OGDH: variants seen among roughly 807,000 people sequenced by gnomAD.
The protein encoded by OGDH is oxoglutarate dehydrogenase, also known as 2-oxoglutarate dehydrogenase complex component E1.
A neutral mutation model predicts 116.6 loss-of-function variants in OGDH; 38 were observed. That is an observed-to-expected ratio of 0.33 (90% CI 0.25 to 0.43). The LOEUF is 0.43. OGDH is among the 20% of genes least tolerant of loss of function. The probability of loss-of-function intolerance (pLI) is 1.00; values close to 1 mark genes in which losing one functional copy is unlikely to be tolerated. For missense variants in OGDH, 825 were observed against 1,357.2 expected (o/e 0.61, Z 6.16); for synonymous variants, 488 against 533.3 (o/e 0.92, Z 1.17).
chr7:44,642,719 C>T (rs918587056), intron 2 of OGDH, among the ~76,000 whole-genome samples: 3 of 152,008 alleles, frequency 2.0e-5, no homozygotes, highest in Admixed American at 6.6e-5. Flanking sequence ...GTCAGGAGTT[C>T]GAGACCAGCC....
rs1458618356 is a variant in OGDH at position 44,694,645 on chromosome 7, A to G, written c.1668+69A>G. ...GCGATGACTAGAAAAGGTGGGCCAC[A>G]GGGCCAGTTCTCACTTTTGCCAGTT... On this transcript the variant is annotated intron_variant, in intron 12 of 22. Transcript: ENST00000222673. The surrounding 1 kb of genome is among the most constrained non-coding windows in gnomAD (Gnocchi z 4.2). The G allele has an allele frequency of 6.3e-7, 1 of 1,575,454 alleles. No individual in the cohort carries two copies. Among genetic ancestry groups the G allele is most frequent in the Non-Finnish European group, 8.7e-7 (1 of 1,148,840 alleles).
intron 5 of OGDH, among the ~76,000 whole-genome samples, chr7:44,669,838 T>C (rs1787357286): frequency 1.3e-5 from 2 of 152,170 alleles, no homozygotes; most frequent in African/African-American, 4.8e-5. Flanking sequence ...TTACAGACAT[T>C]TGCATAAAGT....
At chr7:44,646,170 C>G (rs570991392) in intron 3 of OGDH, among the ~76,000 whole-genome samples, 36 of 152,298 alleles carry the variant, frequency 2.4e-4, no homozygotes, top group African/African-American at 8.2e-4. Context: ...GCCTAGAGTT[C>G]AGATCTTAAG....
At chr7:44,635,662 A>C (rs1477707006) in intron 2 of OGDH, among the ~76,000 whole-genome samples, 1 of 152,028 alleles carries the variant, frequency 6.6e-6, no homozygotes, top group Non-Finnish European at 1.5e-5. Flanking sequence ...CATGTTCCTC[A>C]TCAACTTCTT....
At chr7:44,692,610 A>G (rs978337248) in intron 10 of OGDH, among the ~76,000 whole-genome samples, 4 of 152,232 alleles carry the variant, frequency 2.6e-5, no homozygotes, top group African/African-American at 9.6e-5. Context: ...AAGGATGAGC[A>G]GTGTGGTATT....
intron 1 of OGDH, among the ~76,000 whole-genome samples, chr7:44,621,593 G>T (rs557918710): frequency 6.6e-6 from 1 of 152,286 alleles, no homozygotes; most frequent in African/African-American, 2.4e-5. Flanking sequence ...AAAAATCTCA[G>T]CTGGGTGTGG....
intron 4 of OGDH, chr7:44,656,441 C>A: frequency 1.5e-6 from 2 of 1,304,004 alleles, no homozygotes; most frequent in South Asian, 1.3e-5. Flanking sequence ...TCCTAGCATG[C>A]AATATGGGGA....
intron 3 of OGDH, among the ~76,000 whole-genome samples, chr7:44,646,087 T>A (rs1585278350): frequency 6.6e-6 from 1 of 152,012 alleles, no homozygotes; most frequent in Non-Finnish European, 1.5e-5. Context: ...CAGGACAAGG[T>A]TTTTCCCCCC....
intron 4 of OGDH, among the ~76,000 whole-genome samples, chr7:44,656,819 T>C (rs941318346): frequency 3.9e-5 from 6 of 152,192 alleles, no homozygotes; most frequent in African/African-American, 1.4e-4. Context: ...AAATGTTTTA[T>C]GTTTGAAGGC....
rs1454363814 is a variant in OGDH at position 44,698,260 on chromosome 7, G to A, written c.2427G>A (p.Leu809=). Residue 809 remains leucine, a synonymous_variant, in exon 18 of 23, where the codon CTG becomes CTA. Coordinates refer to ENST00000222673, the MANE Select transcript of OGDH (RefSeq NM_002541.4). ...TGTGCAACGATGACCCAGATGTCCT[G>A]CCAGTGAGTAATACAGGCCCTGTCA... The part of the protein sequence containing the change: ...LQMCNDDPDV[L]PDLKEANFDI... The A allele has an allele frequency of 6.2e-7, 1 of 1,614,000 alleles. No individual in the cohort carries two copies.
At chr7:44,626,994 T>TTTTTG (rs1214940100) in intron 2 of OGDH, among the ~76,000 whole-genome samples, 133 of 152,176 alleles carry the variant, frequency 8.7e-4, no homozygotes, top group African/African-American at 3.1e-3. Flanking sequence ...TTTGTTTGTT[T>TTTTTG]TTTTGTTTTG....
At chr7:44,679,327 A>G (rs1787829969) in intron 9 of OGDH, among the ~76,000 whole-genome samples, 1 of 152,218 alleles carries the variant, frequency 6.6e-6, no homozygotes. Context: ...CAGCCTGGGC[A>G]TCGTAGCAAA....
At position 44,661,580 on chromosome 7, in the gene OGDH, T is replaced by A. The variant is rs566464101; in HGVS notation, c.518-5156T>A. ...AAACCCACATTTAAAAATTTTTTTTTAATTATGTATAGTTTATGGTTTTTT... is the reference window on the plus strand; with the variant it reads ...AAACCCACATTTAAAAATTTTTTTTAAATTATGTATAGTTTATGGTTTTTT... On this transcript the variant is annotated intron_variant, in intron 4 of 22. Coordinates refer to ENST00000222673, the MANE Select transcript of OGDH (RefSeq NM_002541.4). Among the ~76,000 whole-genome samples, 10 of 152,200 alleles carry A rather than the reference T, an allele frequency of 6.6e-5. No individual in the cohort carries two copies. In the East Asian group the frequency reaches 1.7e-3, roughly 26 times the overall value.
intron 2 of OGDH, among the ~76,000 whole-genome samples, chr7:44,637,539 G>A (rs888115121): frequency 1.3e-5 from 2 of 152,176 alleles, no homozygotes; most frequent in African/African-American, 4.8e-5. Context: ...GCTCAGCATC[G>A]TGCCTCACAC....
intron 2 of OGDH, among the ~76,000 whole-genome samples, chr7:44,633,525 G>C (rs1337148506): frequency 6.6e-6 from 1 of 152,150 alleles, no homozygotes; most frequent in Non-Finnish European, 1.5e-5. Flanking sequence ...TTAGTCTCTA[G>C]GTTACTGTTC....
At chr7:44,647,893 G>A (rs1464208140) in intron 4 of OGDH, 134 bp downstream of exon 4, 8 of 640,798 alleles carry the variant, frequency 1.2e-5, no homozygotes, top group South Asian at 1.9e-5. Context: ...GAAATTTATC[G>A]GTATTGTAGC....
chr7:44,680,539 T>TACACACACACACACACACACACAC (rs56718274), intron 9 of OGDH, among the ~76,000 whole-genome samples: 6 of 145,850 alleles, frequency 4.1e-5, no homozygotes, highest in African/African-American at 1.5e-4. Context: ...TTTTATTGCA[T>TACACACACACACACACACACACAC]ACACACACAC....
rs1789114233 is a variant in OGDH at position 44,707,148 on chromosome 7, G to A, written c.2633-77G>A. The stretch of plus-strand genomic sequence containing the variant: ...GCTGCGTCTCCTGGCAGCAGTCCCT[G>A]GCACAGCCCTGGGCCCAGGAGAGCT... On this transcript the variant is annotated intron_variant, in intron 20 of 22. Coordinates refer to ENST00000222673, the MANE Select transcript of OGDH (RefSeq NM_002541.4). This position sits in a 1 kb window ranked among gnomAD's most constrained non-coding sequence, Gnocchi z 5.2. 1 of 1,503,684 alleles carries A rather than the reference G, an allele frequency of 6.7e-7. No individual in the cohort carries two copies. The highest frequency in any genetic ancestry group is 2.3e-5 in the East Asian group (1 of 44,314). The allele number at this position is 1,503,684 out of a possible 1,614,324, so 93.1% of individuals were successfully genotyped here. A position where few individuals can be genotyped will look rare whatever the true frequency, so the allele number is the denominator to read the frequency against.
chr7:44,655,132 G>A (rs906593017), intron 4 of OGDH, among the ~76,000 whole-genome samples: 4 of 152,136 alleles, frequency 2.6e-5, no homozygotes, highest in African/African-American at 9.7e-5. Context: ...AAATGGGTAT[G>A]AGTATTTAAG....
Sources: gnomAD v4.1 joint callset for allele counts (sites outside exome capture counted in the v4.1 genomes callset) on GRCh38, gnomAD v4.1.1 for gene constraint, Gnocchi (gnomAD v3.1) non-coding constraint, MANE v1.5 for transcripts, NCBI Gene and HGNC (gene_info 2026-07-23, HGNC 2026-07-21) for gene names.